RBM33: variants seen among roughly 807,000 people sequenced by gnomAD.
RBM33 encodes RNA binding motif protein 33.
In RBM33, 28 loss-of-function variants were observed where a neutral mutation model predicts 132.6. The ratio of observed to expected loss-of-function variants is 0.21; its 90% CI spans 0.16 to 0.29. The LOEUF (loss-of-function observed/expected upper bound fraction) is 0.29, where lower values mean the gene tolerates loss of function less well. Among genes scored for constraint, RBM33 ranks in the 10% least tolerant of loss-of-function variants. The pLI is 1.00. For missense variants in RBM33, 1,291 were observed against 1,518.5 expected (o/e 0.85, Z 2.49); for synonymous variants, 634 against 593.0 (o/e 1.07, Z -1.01).
At chr7:155,673,940 G>GTTGTTGTTTGTTTGTTTTTTT in intron 3 of RBM33, among the ~76,000 whole-genome samples, 7 of 54,214 alleles carry the variant, frequency 1.3e-4, no homozygotes, top group African/African-American at 2.5e-4. Context: ...TTTAGGCTTA[G>GTTGTTGTTTGTTTGTTTTTTT]TTTTTTTTTT....
At chr7:155,738,448 C>T (rs539819418) in intron 11 of RBM33, 45 bp downstream of exon 11, 68 of 1,526,102 alleles carry the variant, frequency 4.5e-5, no homozygotes, top group Non-Finnish European at 5.6e-5. Flanking sequence ...TGTGTAGCTT[C>T]AAGGCTTTGT....
chr7:155,656,681 A>G (rs1436365268), intron 1 of RBM33, among the ~76,000 whole-genome samples: 2 of 152,258 alleles, frequency 1.3e-5, no homozygotes, highest in African/African-American at 2.4e-5. Flanking sequence ...GTCAGACATT[A>G]AAGAGTTTTG....
intron 9 of RBM33, among the ~76,000 whole-genome samples, chr7:155,734,308 T>G (rs1801045797): frequency 6.6e-6 from 1 of 152,204 alleles, no homozygotes; most frequent in Non-Finnish European, 1.5e-5. Context: ...TCTGTTGAAT[T>G]GAAATCAGCC....
chr7:155,757,878 G>A (rs1801902985), intron 14 of RBM33, among the ~76,000 whole-genome samples: 1 of 124,678 alleles, frequency 8.0e-6, no homozygotes, highest in Non-Finnish European at 1.6e-5. Flanking sequence ...GAGCATGGTG[G>A]TGTGGGGTGG....
At chr7:155,673,766 G>GCGCA (rs1377190395) in intron 3 of RBM33, among the ~76,000 whole-genome samples, 1 of 120,298 alleles carries the variant, frequency 8.3e-6, no homozygotes, top group Non-Finnish European at 1.7e-5. Flanking sequence ...GCGCGCATGC[G>GCGCA]CGCACACACA....
rs1278395251 is a variant in RBM33, at chr7:155,780,263, T to C, written c.*5222T>C. On this transcript the variant is annotated 3_prime_UTR_variant, in exon 18 of 18. Coordinates refer to ENST00000401878, the MANE Select transcript of RBM33 (RefSeq NM_053043.3). ...GCGCGCACAGCACACAGGGGTGCCCTGAGCCGAAGGAGCAAAAAAAGCCAC... is the reference window on the plus strand; with the variant it reads ...GCGCGCACAGCACACAGGGGTGCCCCGAGCCGAAGGAGCAAAAAAAGCCAC... 1 of 152,226 alleles carries C rather than the reference T, an allele frequency of 6.6e-6. No homozygotes were observed. Among genetic ancestry groups the C allele is most frequent in the Non-Finnish European group, 1.5e-5 (1 of 68,044 alleles). 9.4% of individuals were successfully genotyped at this position (152,226 alleles called of 1,614,324 possible).
chr7:155,677,970 C>T (rs1157283512), intron 3 of RBM33, among the ~76,000 whole-genome samples: 1 of 152,078 alleles, frequency 6.6e-6, no homozygotes, highest in Non-Finnish European at 1.5e-5. Context: ...AATAACACCC[C>T]CCCAACCTAA....
intron 15 of RBM33, among the ~76,000 whole-genome samples, chr7:155,764,272 T>A (rs1370550901): frequency 2.0e-5 from 3 of 152,194 alleles, no homozygotes; most frequent in African/African-American, 7.2e-5. Flanking sequence ...TTCCTGCCGC[T>A]CTGAACTGTC....
chr7:155,685,148 G>A (rs1002290691), intron 5 of RBM33: 12 of 1,276,426 alleles, frequency 9.4e-6, no homozygotes, highest in Non-Finnish European at 1.1e-5. Flanking sequence ...AAGTCGATAC[G>A]TATCTTTGAA....
chr7:155,749,754 G>A (rs1801635398), intron 14 of RBM33, among the ~76,000 whole-genome samples: 1 of 152,196 alleles, frequency 6.6e-6, no homozygotes, highest in Admixed American at 6.5e-5. Flanking sequence ...CCTGGCGAGT[G>A]GCTGGGGTTC....
intron 8 of RBM33, among the ~76,000 whole-genome samples, chr7:155,717,414 G>C (rs1162043366): frequency 6.6e-6 from 1 of 151,700 alleles, no homozygotes; most frequent in Non-Finnish European, 1.5e-5. Flanking sequence ...CCAGGGTTGG[G>C]TTAGGGCCTA....
chr7:155,657,215 T>C (rs1213112980), intron 1 of RBM33, among the ~76,000 whole-genome samples: 1 of 152,236 alleles, frequency 6.6e-6, no homozygotes, highest in Non-Finnish European at 1.5e-5. Context: ...ATTTTGGCTT[T>C]TGTAGATTTA....
chr7:155,673,786 A>G (rs1421555510), intron 3 of RBM33, among the ~76,000 whole-genome samples: 7 of 149,326 alleles, frequency 4.7e-5, no homozygotes, highest in East Asian at 1.9e-4. Context: ...ACACACACAC[A>G]CACACACACA....
At chr7:155,700,973 C>A in intron 6 of RBM33, 29 bp downstream of exon 6, 1 of 1,560,084 alleles carries the variant, frequency 6.4e-7, no homozygotes, top group Non-Finnish European at 8.8e-7. Flanking sequence ...TCCCATCCTC[C>A]TTTACTCTCA....
chr7:155,754,975 A>G (rs1801803171), intron 14 of RBM33, among the ~76,000 whole-genome samples: 1 of 152,232 alleles, frequency 6.6e-6, no homozygotes. Flanking sequence ...CAGAGAAGAA[A>G]GAGAATGTGA....
intron 1 of RBM33, among the ~76,000 whole-genome samples, chr7:155,662,819 A>G (rs1221024829): frequency 2.0e-5 from 3 of 151,940 alleles, no homozygotes; most frequent in Non-Finnish European, 2.9e-5. Context: ...TGGGGGTGGG[A>G]TGGAAAATGC....
chr7:155,654,117 C>T (rs1323340067), intron 1 of RBM33, among the ~76,000 whole-genome samples: 1 of 152,174 alleles, frequency 6.6e-6, no homozygotes, highest in East Asian at 1.9e-4. Flanking sequence ...AACTTATTAA[C>T]TTCTACCCCA....
intron 14 of RBM33, among the ~76,000 whole-genome samples, chr7:155,761,114 G>A (rs73167194): frequency 0.068 from 10,374 of 152,232 alleles, 558 homozygotes; most frequent in African/African-American, 0.15. Flanking sequence ...TGTTCCCTTG[G>A]TTAACCGGGG....
chr7:155,695,015 G>A (rs1432143406), intron 5 of RBM33, among the ~76,000 whole-genome samples: 1 of 152,078 alleles, frequency 6.6e-6, no homozygotes, highest in Non-Finnish European at 1.5e-5. Context: ...CACTCCCACC[G>A]GTACTGTGGG....
Sources: allele counts gnomAD v4.1 joint callset (sites outside exome capture counted in the v4.1 genomes callset), GRCh38; gene constraint gnomAD v4.1.1; transcripts MANE v1.5; gene names NCBI Gene and HGNC (gene_info 2026-07-23, HGNC 2026-07-21).